The following SCAPER variants were observed in gnomAD, a reference collection of about 807,000 sequenced individuals.
SCAPER encodes the protein S-phase cyclin A associated protein in the ER, also known as S phase cyclin A-associated protein in the endoplasmic reticulum.
A neutral mutation model predicts 182.2 loss-of-function variants in SCAPER; 98 were observed. The ratio of observed to expected loss-of-function variants is 0.54; its 90% CI spans 0.46 to 0.64. The LOEUF (loss-of-function observed/expected upper bound fraction) is 0.64. Ranked by LOEUF, SCAPER falls within the 30% of genes least tolerant of loss-of-function variation. The pLI, the probability that SCAPER is intolerant of heterozygous loss-of-function variation, is 0.00. For missense variants in SCAPER, 1,432 were observed against 1,690.0 expected, an observed-to-expected ratio of 0.85 and a Z score of 2.68; for synonymous variants, 605 against 564.6, an observed-to-expected ratio of 1.07 and a Z score of -1.01.
intron 27 of SCAPER, among the ~76,000 whole-genome samples, chr15:76,403,884 ATT>A (rs2044637970): frequency 6.6e-6 from 1 of 152,036 alleles, no homozygotes; most frequent in Non-Finnish European, 1.5e-5. Context: ...CTAGAGAATT[ATT>A]GTTTTTGAGG....
At chr15:76,699,578 C>T (rs1294225020) in intron 20 of SCAPER, among the ~76,000 whole-genome samples, 1 of 152,202 alleles carries the variant, frequency 6.6e-6, no homozygotes, top group African/African-American at 2.4e-5. Flanking sequence ...ACTGCACGTT[C>T]AGTGAACTGG....
intron 20 of SCAPER, among the ~76,000 whole-genome samples, chr15:76,677,133 G>T (rs1425990815): frequency 1.3e-5 from 2 of 152,044 alleles, no homozygotes; most frequent in African/African-American, 4.8e-5. Flanking sequence ...TTCAAAATGT[G>T]AATCACAATA....
rs756232989 is a variant in SCAPER at position 76,800,317 on chromosome 15, T to C, written c.542A>G (p.His181Arg). ...ATCTGTTGATGGACTTGGAATCACA[T>C]GGCGTCCCGGAGACATCTTCTTTAC... ...WEVKKMSPGR[H>R]VIPSPSTDRI... The change falls in exon 7 of 32, where the codon CAT (histidine) becomes CGT (arginine). Residue 181 changes from histidine (H) to arginine (R), a missense_variant. His to Arg is a conservative substitution (Grantham distance 29). Around this residue, in one of 5 missense-constraint regions of SCAPER, gnomAD observed 480 missense variants for 510.2 expected, o/e 0.94. Coordinates refer to ENST00000563290, the MANE Select transcript of SCAPER (RefSeq NM_020843.4). 1.2e-6 allele frequency: 2 copies of C among 1,613,464 alleles called. No individual in the cohort carries two copies. The highest frequency in any genetic ancestry group is 1.7e-5 in the Admixed American group (1 of 59,942).
intron 21 of SCAPER, among the ~76,000 whole-genome samples, chr15:76,631,978 G>C (rs945655610): frequency 2.6e-5 from 4 of 151,968 alleles, no homozygotes; most frequent in East Asian, 1.9e-4. Context: ...GGTTTTGTTT[G>C]TTCCTTTTCT....
chr15:76,397,987 A>G (rs1292798110), intron 27 of SCAPER, among the ~76,000 whole-genome samples: 2 of 152,144 alleles, frequency 1.3e-5, no homozygotes, highest in African/African-American at 4.8e-5. Flanking sequence ...TTACGATCTC[A>G]TTTGAGCCTC....
At chr15:76,562,054 G>A (rs956739965) in intron 23 of SCAPER, among the ~76,000 whole-genome samples, 9 of 145,894 alleles carry the variant, frequency 6.2e-5, no homozygotes, top group South Asian at 2.2e-4. Flanking sequence ...AGGCTGAGGC[G>A]GAAGAATCGC....
intron 22 of SCAPER, among the ~76,000 whole-genome samples, chr15:76,594,239 C>T (rs1389532978): frequency 8.5e-6 from 1 of 118,338 alleles, no homozygotes; most frequent in African/African-American, 2.6e-5. Flanking sequence ...GACTGAAGAT[C>T]AACTTAATGA....
chr15:76,878,947 A>C (rs1179492554), intron 2 of SCAPER, among the ~76,000 whole-genome samples: 1 of 152,142 alleles, frequency 6.6e-6, no homozygotes, highest in Non-Finnish European at 1.5e-5. Flanking sequence ...TTACCAAAAA[A>C]ATTTTTTTAA....
intron 29 of SCAPER, among the ~76,000 whole-genome samples, chr15:76,366,711 T>C (rs1169999618): frequency 2.6e-5 from 4 of 152,150 alleles, no homozygotes; most frequent in South Asian, 2.1e-4. Flanking sequence ...AAATAATTAT[T>C]TGGGTGTGAG....
intron 20 of SCAPER, among the ~76,000 whole-genome samples, chr15:76,697,396 C>T (rs571342216): frequency 4.1e-4 from 62 of 152,206 alleles, no homozygotes; most frequent in African/African-American, 1.5e-3. Context: ...AATGAACACA[C>T]CAATCAAATC....
rs193220229 is a variant in SCAPER, at chr15:76,845,881, C to T, written c.196-3950G>A. On this transcript the variant is annotated intron_variant, in intron 4 of 31. Coordinates refer to ENST00000563290, the MANE Select transcript of SCAPER (RefSeq NM_020843.4). ...ACAGAACCACAAAAAACCTGGAATA[C>T]CCAAGGTTATCCTACACGAAAAGAA... Among the ~76,000 whole-genome samples the T allele has an allele frequency of 9.8e-4, 149 of 151,884 alleles. 2 individuals are homozygous for T. Among genetic ancestry groups the T allele is most frequent in the African/African-American group, 3.5e-3 (146 of 41,466 alleles).
intron 31 of SCAPER, chr15:76,348,940 C>T (rs997561683): frequency 2.2e-5 from 9 of 401,538 alleles, no homozygotes; most frequent in Admixed American, 4.1e-5. Flanking sequence ...TATATTTTAA[C>T]CACAATCCAG....
chr15:76,775,591 C>A (rs2063701109), intron 8 of SCAPER, among the ~76,000 whole-genome samples: 1 of 152,108 alleles, frequency 6.6e-6, no homozygotes, highest in South Asian at 2.1e-4. Flanking sequence ...GGTGTCCATC[C>A]CAACGGCCAT....
chr15:76,684,775 A>G (rs1372078179), intron 20 of SCAPER, among the ~76,000 whole-genome samples: 1 of 151,918 alleles, frequency 6.6e-6, no homozygotes, highest in Non-Finnish European at 1.5e-5. Context: ...AGGTTGTTTA[A>G]GAATCTTCCA....
At chr15:76,873,383 C>G (rs539187107) in intron 2 of SCAPER, among the ~76,000 whole-genome samples, 5 of 116,620 alleles carry the variant, frequency 4.3e-5, no homozygotes, top group African/African-American at 1.5e-4. Flanking sequence ...GGCAGGCAGG[C>G]AGGCATCTCT....
At chr15:76,682,390 TTGAA>T (rs775062191) in intron 20 of SCAPER, among the ~76,000 whole-genome samples, 3 of 151,830 alleles carry the variant, frequency 2.0e-5, no homozygotes, top group African/African-American at 7.3e-5. Flanking sequence ...CATTGCCAGT[TTGAA>T]TGTGCACACA....
intron 22 of SCAPER, among the ~76,000 whole-genome samples, chr15:76,618,927 C>G (rs2051751069): frequency 6.6e-6 from 1 of 152,182 alleles, no homozygotes; most frequent in Non-Finnish European, 1.5e-5. Context: ...TCACTGCAAC[C>G]TCCACCTCCC....
intron 2 of SCAPER, among the ~76,000 whole-genome samples, chr15:76,878,227 T>C (rs1283167287): frequency 1.3e-5 from 2 of 152,166 alleles, no homozygotes; most frequent in African/African-American, 4.8e-5. Flanking sequence ...TATGGATGTA[T>C]GTATATTTAC....
At chr15:76,729,848 A>C (rs373588031) in intron 16 of SCAPER, among the ~76,000 whole-genome samples, 1 of 152,132 alleles carries the variant, frequency 6.6e-6, no homozygotes, top group African/African-American at 2.4e-5. Flanking sequence ...CTTCAACATG[A>C]AATATTTGTC....
Sources: gnomAD v4.1 joint callset for allele counts (sites outside exome capture counted in the v4.1 genomes callset) on GRCh38, gnomAD v4.1.1 for gene constraint, gnomAD v4.1.1 regional missense constraint, MANE v1.5 for transcripts, NCBI Gene and HGNC (gene_info 2026-07-23, HGNC 2026-07-21) for gene names.